Variants in ARRDC5 observed in about 807,000 individuals in gnomAD.
ARRDC5 encodes the protein arrestin domain-containing protein 5.
ARRDC5 carries 12 observed loss-of-function variants against 13.3 expected under a neutral mutation model. That is an observed-to-expected ratio of 0.90 (90% confidence interval 0.58 to 1.46). ARRDC5 has a LOEUF of 1.46. ARRDC5 is among the 40% of genes most tolerant of loss of function. The pLI is 0.00. For synonymous variants in ARRDC5, 181 were observed against 173.4 expected (o/e 1.04, Z -0.34); for missense variants, 406 against 418.7 (o/e 0.97, Z 0.26).
At chr19:4,897,099 G>C (rs1191357366) in intron 1 of ARRDC5, among the ~76,000 whole-genome samples, 4 of 152,098 alleles carry the variant, frequency 2.6e-5, no homozygotes, top group African/African-American at 9.7e-5. Flanking sequence ...TGCGACTACA[G>C]GCGTGCACCA....
the ARRDC5 span, among the ~76,000 whole-genome samples, chr19:4,914,454 T>C: frequency 6.6e-6 from 1 of 152,146 alleles, no homozygotes; most frequent in South Asian, 2.1e-4. Flanking sequence ...TGCAGTGAAG[T>C]TGATGGAGAC....
rs1424352826 is a variant in ARRDC5 at position 4,902,372 on chromosome 19, G to A, written c.253+201C>T. On this transcript the variant is annotated intron_variant, in intron 1 of 2. Coordinates refer to ENST00000650722, the MANE Select transcript of ARRDC5 (RefSeq NM_001080523.3). ...CCTTCATTTTGAATATCGGGGTTCC[G>A]ATCAGCTCCTTATGTCTTGTTATTT... Among the ~76,000 whole-genome samples, 3 of 152,292 alleles carry A rather than the reference G, an allele frequency of 2.0e-5. No homozygotes were observed. The East Asian group carries it at 5.8e-4, about 29-fold the overall frequency.
Position 4,891,081 on chromosome 19 carries a change from C to T in ARRDC5, c.952G>A (p.Gly318Arg), listed in dbSNP as rs774736367. 50 of 1,613,404 alleles carry T rather than the reference C, an allele frequency of 3.1e-5. No homozygotes were observed. The highest frequency in any genetic ancestry group is 3.3e-4 in the Middle Eastern group (2 of 6,084). ...DSAICQLSED[G>R]VLPVNPDHQN ...TGATCTGGGTTCACGGGTAACACTC[C>T]GTCCTCTGACAGCTGGCAGATGGCA... Residue 318 changes from glycine (G) to arginine (R), a missense_variant, in exon 3 of 3, where the codon GGA becomes AGA. Transcript: ENST00000650722.
intron 1 of ARRDC5, among the ~76,000 whole-genome samples, chr19:4,902,366 G>A (rs900778898): frequency 1.3e-5 from 2 of 152,146 alleles, no homozygotes; most frequent in African/African-American, 4.8e-5. Context: ...TGAATATCGG[G>A]GTTCCGATCA....
chr19:4,906,882 T>A (rs902981925), upstream of ARRDC5, among the ~76,000 whole-genome samples: 1 of 152,236 alleles, frequency 6.6e-6, no homozygotes, highest in Non-Finnish European at 1.5e-5. Context: ...GCAGGTGCTG[T>A]CATTTTGGAA....
At chr19:4,911,093 GCA>G in the ARRDC5 span, 1 of 1,424,188 alleles carries the variant, frequency 7.0e-7, no homozygotes. Flanking sequence ...TCGCGCCTCT[GCA>G]GCCACCAGCC....
chr19:4,900,455 CATT>C (rs2031880556), intron 1 of ARRDC5, among the ~76,000 whole-genome samples: 1 of 152,062 alleles, frequency 6.6e-6, no homozygotes, highest in Non-Finnish European at 1.5e-5. Flanking sequence ...GTATACCTGG[CATT>C]ATTCTAAGCG....
chr19:4,902,965 AG>A, upstream of ARRDC5: 3 of 1,251,210 alleles, frequency 2.4e-6, no homozygotes, highest in Non-Finnish European at 3.4e-6. Context: ...AGTGGCCAGG[AG>A]GGGAGGCAAA....
In ARRDC5 at chr19:4,891,543, CTT is replaced by C; in HGVS notation, c.488_489del (p.Lys163SerfsTer110). 6.2e-7 allele frequency: 1 copy of C among 1,613,554 alleles called. No individual in the cohort carries two copies. The highest frequency in any genetic ancestry group is 8.5e-7 in the Non-Finnish European group (1 of 1,179,714). ...QNPLFVEAEE[K>X]VSYNCCRQGT... ...CCCTGGCGGCAGCAGTTGTAGGAGA[CTT>C]TCTCCTCAGCCTCCACGAACAAGGG... On this transcript the variant is annotated frameshift_variant, in exon 3 of 3. Transcript: ENST00000650722. LOFTEE classifies it low-confidence loss of function (END_TRUNC).
chr19:4,909,211 G>C, the ARRDC5 span: 1 of 483,032 alleles, frequency 2.1e-6, no homozygotes, highest in Non-Finnish European at 3.7e-6. Flanking sequence ...AGTTCAGGGG[G>C]TCTGTACCCT....
the ARRDC5 span, among the ~76,000 whole-genome samples, chr19:4,912,720 A>G: frequency 6.6e-6 from 1 of 151,700 alleles, no homozygotes; most frequent in Non-Finnish European, 1.5e-5. Flanking sequence ...GTCAGTACCT[A>G]GAGCTCAGTA....
chr19:4,893,277 A>C (rs1460343327), intron 2 of ARRDC5, among the ~76,000 whole-genome samples: 1 of 136,918 alleles, frequency 7.3e-6, no homozygotes, highest in Non-Finnish European at 1.6e-5. Context: ...GGGCCGAGGC[A>C]GGAGGATCAC....
Position 4,902,852 on chromosome 19 carries a change from C to T in ARRDC5, c.-27G>A, listed in dbSNP as rs372370729. ...GGGGGTTGGGGGGTAGAGAGACATT[C>T]CTCTCTGTCCCCCATGTCCCTGAAA... On this transcript the variant is annotated 5_prime_UTR_variant, in exon 1 of 3. Coordinates refer to ENST00000650722, the MANE Select transcript of ARRDC5 (RefSeq NM_001080523.3). 2 of 1,613,566 alleles carry T rather than the reference C, an allele frequency of 1.2e-6. No individual in the cohort carries two copies. Among genetic ancestry groups the T allele is most frequent in the Non-Finnish European group, 8.5e-7 (1 of 1,179,748 alleles).
chr19:4,915,889 G>T, the ARRDC5 span, among the ~76,000 whole-genome samples: 2 of 152,166 alleles, frequency 1.3e-5, no homozygotes, highest in East Asian at 1.9e-4. Context: ...CCTTACGTGC[G>T]CTGTGTTGGA....
the ARRDC5 span, among the ~76,000 whole-genome samples, chr19:4,908,581 T>G: frequency 6.6e-6 from 1 of 152,138 alleles, no homozygotes; most frequent in African/African-American, 2.4e-5. Context: ...CATCTGTCCT[T>G]GGAGTCTCAT....
At chr19:4,915,791 T>A in the ARRDC5 span, among the ~76,000 whole-genome samples, 1 of 152,168 alleles carries the variant, frequency 6.6e-6, no homozygotes, top group East Asian at 1.9e-4. Context: ...GTTGGTCAAT[T>A]AGATTGCATA....
chr19:4,913,355 G>A, the ARRDC5 span, among the ~76,000 whole-genome samples: 1 of 146,126 alleles, frequency 6.8e-6, no homozygotes, highest in Non-Finnish European at 1.5e-5. Flanking sequence ...CCAAGTTCAA[G>A]CGATCCTCCT....
chr19:4,911,824 G>A, the ARRDC5 span, among the ~76,000 whole-genome samples: 24 of 152,168 alleles, frequency 1.6e-4, no homozygotes, highest in Admixed American at 1.3e-4. Flanking sequence ...CAGTGTGATC[G>A]AAGGTGTAGG....
the ARRDC5 span, among the ~76,000 whole-genome samples, chr19:4,908,488 C>T: frequency 5.9e-5 from 9 of 152,068 alleles, no homozygotes; most frequent in Non-Finnish European, 1.2e-4. Context: ...GCTCAGTGGG[C>T]CCCAACCACA....
Sources: allele counts gnomAD v4.1 joint callset (sites outside exome capture counted in the v4.1 genomes callset), GRCh38; gene constraint gnomAD v4.1.1; transcripts MANE v1.5; gene names NCBI Gene and HGNC (gene_info 2026-07-23, HGNC 2026-07-21).